Variants in ARMH3 observed in about 807,000 individuals in gnomAD.
ARMH3 encodes armadillo like helical domain containing 3.
In ARMH3, 60 loss-of-function variants were observed where a neutral mutation model predicts 99.1. That is an observed-to-expected ratio of 0.61 (90% CI 0.49 to 0.75). The LOEUF (loss-of-function observed/expected upper bound fraction) is 0.75. ARMH3 is among the 30% of genes least tolerant of loss of function. ARMH3 has a pLI of 0.00. For synonymous variants in ARMH3, 285 were observed against 292.8 expected, an observed-to-expected ratio of 0.97 and a Z score of 0.27; for missense variants, 679 against 843.1, an observed-to-expected ratio of 0.81 and a Z score of 2.41.
chr10:102,036,810 A>G (rs1021291481), intron 2 of ARMH3, among the ~76,000 whole-genome samples: 8 of 150,528 alleles, frequency 5.3e-5, no homozygotes, highest in African/African-American at 2.0e-4. Context: ...TCCCTCCACT[A>G]TTGTCCTATG....
chr10:102,051,291 T>C (rs978968446), intron 1 of ARMH3, among the ~76,000 whole-genome samples: 1 of 150,564 alleles, frequency 6.6e-6, no homozygotes, highest in African/African-American at 2.4e-5. Flanking sequence ...TGGCCAACAC[T>C]GTGAAACACC....
At chr10:102,022,485 C>G (rs1199694762) in intron 8 of ARMH3, among the ~76,000 whole-genome samples, 1 of 122,294 alleles carries the variant, frequency 8.2e-6, no homozygotes, top group Non-Finnish European at 1.7e-5. Context: ...GAGCGAGACT[C>G]TGACTTAAAA....
intron 13 of ARMH3, among the ~76,000 whole-genome samples, chr10:102,007,456 T>C (rs889024135): frequency 2.0e-5 from 3 of 151,274 alleles, no homozygotes; most frequent in East Asian, 1.9e-4. Context: ...AACACATCAA[T>C]AGGCTGTTCT....
intron 23 of ARMH3, among the ~76,000 whole-genome samples, chr10:101,928,215 G>C (rs1206881843): frequency 1.3e-5 from 2 of 152,106 alleles, no homozygotes; most frequent in African/African-American, 4.8e-5. Flanking sequence ...TATAATGAAA[G>C]GTTCTTATAA....
At chr10:101,869,040 C>T (rs1034794023) in intron 24 of ARMH3, among the ~76,000 whole-genome samples, 19 of 150,548 alleles carry the variant, frequency 1.3e-4, no homozygotes, top group African/African-American at 4.7e-4. Context: ...CCACTGCACT[C>T]CAGCTTGGGA....
At chr10:102,006,394 T>C (rs1229154730) in intron 14 of ARMH3, 146 bp downstream of exon 14, 1 of 736,342 alleles carries the variant, frequency 1.4e-6, no homozygotes, top group African/African-American at 1.8e-5. Flanking sequence ...TCTTTGGAAA[T>C]TTAGGAGGCC....
intron 24 of ARMH3, among the ~76,000 whole-genome samples, chr10:101,863,394 TTGAA>T (rs990283996): frequency 6.6e-6 from 1 of 152,064 alleles, no homozygotes; most frequent in African/African-American, 2.4e-5. Flanking sequence ...TTTCAAAACT[TTGAA>T]TGAAACAAAA....
At chr10:101,948,427 G>A (rs80091714) in intron 22 of ARMH3, among the ~76,000 whole-genome samples, 1 of 152,148 alleles carries the variant, frequency 6.6e-6, no homozygotes, top group African/African-American at 2.4e-5. Flanking sequence ...TATGCATGCA[G>A]ATACTAATAA....
chr10:101,946,071 C>CAAAAAAAAAAAAAA lies in ARMH3; in HGVS notation c.1706-6147_1706-6134dup, dbSNP rs569179050. Among the ~76,000 whole-genome samples, 13 of 34,486 alleles carry CAAAAAAAAAAAAAA rather than the reference C, an allele frequency of 3.8e-4. 1 individual carries two copies. Among genetic ancestry groups the CAAAAAAAAAAAAAA allele is most frequent in the African/African-American group, 2.6e-3 (11 of 4,174 alleles). The allele number at this position is 34,486 out of a possible 152,430, so 22.6% of individuals were successfully genotyped here. Reference sequence around the variant, plus strand: ...TGGGCGACAGAGTAAGACTCTGCCTCAAAAAAAAAAAAAAAAAAAAAAAAA... The same window carrying CAAAAAAAAAAAAAA: ...TGGGCGACAGAGTAAGACTCTGCCTCAAAAAAAAAAAAAAAAAAAAAAAAAAAAAAAAAAAAAAA... On this transcript the variant is annotated intron_variant, in intron 22 of 25. Coordinates refer to ENST00000370033, the MANE Select transcript of ARMH3 (RefSeq NM_024541.3).
intron 15 of ARMH3, among the ~76,000 whole-genome samples, chr10:102,000,166 G>C (rs183451669): frequency 6.6e-6 from 1 of 152,258 alleles, no homozygotes; most frequent in African/African-American, 2.4e-5. Flanking sequence ...TGCAAACCAA[G>C]TATGGTAAAA....
At chr10:102,007,833 C>CAAA (rs529858697) in intron 13 of ARMH3, among the ~76,000 whole-genome samples, 19 of 48,920 alleles carry the variant, frequency 3.9e-4, no homozygotes, top group African/African-American at 6.1e-4. Flanking sequence ...ACACCATCTC[C>CAAA]AAAAAAAAAA....
intron 24 of ARMH3, among the ~76,000 whole-genome samples, chr10:101,864,104 CACAA>C (rs2066941846): frequency 6.8e-6 from 1 of 146,516 alleles, no homozygotes; most frequent in Admixed American, 6.8e-5. Flanking sequence ...CACACACACA[CACAA>C]AAACCAGACA....
chr10:101,889,716 C>A, intron 23 of ARMH3: 1 of 500,318 alleles, frequency 2.0e-6, no homozygotes. Flanking sequence ...TCAAGCATCT[C>A]TGCTCTGCAA....
rs1392613289 is a variant in ARMH3, at chr10:101,889,470, T to C, written c.1802A>G (p.Asn601Ser). The change falls in exon 24 of 26, where the codon AAC (asparagine) becomes AGC (serine). Residue 601 changes from asparagine (N) to serine (S), a missense_variant. Transcript: ENST00000370033. Reference sequence around the variant, plus strand: ...AGCAGCGTAGGACTCAATTTTGGGGTTAAAGTGGTTGATGATGGCTCTGAA... The same window carrying C: ...AGCAGCGTAGGACTCAATTTTGGGGCTAAAGTGGTTGATGATGGCTCTGAA... ...VNIRAIINHF[N>S]PKIESYAAVN... 4.3e-6 allele frequency: 7 copies of C among 1,613,486 alleles called. No homozygotes were observed. The Admixed American group carries it at 1.2e-4, about 27-fold the overall frequency.
intron 24 of ARMH3, among the ~76,000 whole-genome samples, chr10:101,877,942 C>T (rs1013486770): frequency 8.6e-5 from 13 of 151,884 alleles, no homozygotes; most frequent in South Asian, 2.1e-4. Flanking sequence ...AAAATGGAAT[C>T]GCTATTTTAA....
intron 1 of ARMH3, among the ~76,000 whole-genome samples, chr10:102,041,276 A>G (rs2067419331): frequency 6.6e-6 from 1 of 151,496 alleles, no homozygotes; most frequent in Admixed American, 6.6e-5. Context: ...CTGCGAATTT[A>G]CACATATTCC....
At chr10:102,014,166 T>C (rs1463930523) in intron 8 of ARMH3, 142 bp from the exon 9 acceptor site, 1 of 620,346 alleles carries the variant, frequency 1.6e-6, no homozygotes, top group Non-Finnish European at 2.8e-6. Flanking sequence ...CAATCCATAT[T>C]GCCTGCTGAC....
At position 102,009,290 on chromosome 10, in the gene ARMH3, G is replaced by C. The variant is rs995124287; in HGVS notation, c.954+84C>G. The C allele has an allele frequency of 2.3e-6, 3 of 1,297,416 alleles. No individual in the cohort carries two copies. The Middle Eastern group carries it at 6.8e-4, about 294-fold the overall frequency. 80.4% of individuals were successfully genotyped at this position (1,297,416 alleles called of 1,614,324 possible). A position where few individuals can be genotyped will look rare whatever the true frequency, so the allele number is the denominator to read the frequency against. On this transcript the variant is annotated intron_variant, in intron 13 of 25. Coordinates refer to ENST00000370033, the MANE Select transcript of ARMH3 (RefSeq NM_024541.3). The stretch of plus-strand genomic sequence containing the variant: ...CCAATGCAAAGCAGGGTTTAAACAA[G>C]TACAGCCAGATAGGCTTTTCAATGG...
intron 20 of ARMH3, among the ~76,000 whole-genome samples, chr10:101,962,840 G>GC (rs1281299413): frequency 6.6e-6 from 1 of 152,132 alleles, no homozygotes; most frequent in Admixed American, 6.5e-5. Context: ...GGATACAGGA[G>GC]CTATCTAGGG....
Sources: allele counts gnomAD v4.1 joint callset (sites outside exome capture counted in the v4.1 genomes callset), GRCh38; gene constraint gnomAD v4.1.1; transcripts MANE v1.5; gene names NCBI Gene and HGNC (gene_info 2026-07-23, HGNC 2026-07-21).